Variants in RAI1 observed in about 807,000 individuals in gnomAD.
RAI1 encodes the protein retinoic acid-induced protein 1.
RAI1 carries 9 observed loss-of-function variants against 123.8 expected under a neutral mutation model. That is an observed-to-expected ratio of 0.07 (90% confidence interval 0.04 to 0.13). The LOEUF is 0.13. Among genes scored for constraint, RAI1 ranks in the 10% least tolerant of loss-of-function variants. The pLI is 1.00. For missense variants in RAI1, 2,256 were observed against 2,545.8 expected (o/e 0.89, Z 2.45); for synonymous variants, 1,231 against 1,127.3 (o/e 1.09, Z -1.84).
chr17:17,778,721 C>G (rs749349132), intron 2 of RAI1: 4 of 456,750 alleles, frequency 8.8e-6, no homozygotes, highest in Non-Finnish European at 1.3e-5. Flanking sequence ...GGAGCAGAGG[C>G]CTGCGATTCT....
chr17:17,710,436 A>C (rs1215607432), intron 1 of RAI1, among the ~76,000 whole-genome samples: 1 of 152,168 alleles, frequency 6.6e-6, no homozygotes, highest in Non-Finnish European at 1.5e-5. Flanking sequence ...CCTTTTTAGC[A>C]GTGCTCCATC....
chr17:17,746,563 G>C (rs1385154963), intron 2 of RAI1, among the ~76,000 whole-genome samples: 1 of 152,096 alleles, frequency 6.6e-6, no homozygotes, highest in African/African-American at 2.4e-5. Context: ...CCAAGGATGG[G>C]GGCTGCTGGG....
chr17:17,709,446 A>C (rs1450263749), intron 1 of RAI1, among the ~76,000 whole-genome samples: 3 of 152,120 alleles, frequency 2.0e-5, no homozygotes, highest in Non-Finnish European at 4.4e-5. Flanking sequence ...CCAGGCTCCC[A>C]AGGCCCCTGC....
At chr17:17,787,967 T>G (rs1192071694) in intron 2 of RAI1, among the ~76,000 whole-genome samples, 1 of 152,118 alleles carries the variant, frequency 6.6e-6, no homozygotes, top group Non-Finnish European at 1.5e-5. Flanking sequence ...CTCTGCACTC[T>G]GAAGGGCCCA....
chr17:17,766,086 G>A (rs999334640), intron 2 of RAI1: 1 of 152,196 alleles, frequency 6.6e-6, no homozygotes, highest in African/African-American at 2.4e-5. Flanking sequence ...GCCTTCTTGT[G>A]AACTCACATT....
In RAI1 at chr17:17,803,735, C is replaced by A. The variant is rs199633787; in HGVS notation, c.5566-21C>A. ...TGGGCTCCAACTGGAGACTCACCTG[C>A]CTTTCCTTTCTCTTCATCAGATGTG... is the stretch of plus-strand genomic sequence containing the variant. On this transcript the variant is annotated intron_variant, in intron 3 of 5. Coordinates refer to ENST00000353383, the MANE Select transcript of RAI1 (RefSeq NM_030665.4). The A allele has an allele frequency of 9.4e-5, 151 of 1,607,708 alleles. No individual in the cohort carries two copies. In the African/African-American group the frequency reaches 1.9e-3, roughly 20 times the overall value.
Position 17,809,520 on chromosome 17 carries a change from TG to T in RAI1, c.5709+84del. 1 of 1,438,454 alleles carries T rather than the reference TG, an allele frequency of 7.0e-7. No homozygotes were observed. The highest frequency in any genetic ancestry group is 9.7e-7 in the Non-Finnish European group (1 of 1,025,698). 89.1% of individuals were successfully genotyped at this position (1,438,454 alleles called of 1,614,324 possible). On this transcript the variant is annotated intron_variant, in intron 5 of 5. Transcript: ENST00000353383. The surrounding 1 kb of genome is among the most constrained non-coding windows in gnomAD (Gnocchi z 4.9). ...ACCTCGCACCTCCTTCACAGTCCCC[TG>T]GGCCCCCTTGGCTGCGCAGCCCCGC... is the stretch of plus-strand genomic sequence containing the variant.
Position 17,810,164 on chromosome 17 carries a change from G to A in RAI1, c.*183G>A. On this transcript the variant is annotated 3_prime_UTR_variant, in exon 6 of 6. Coordinates refer to ENST00000353383, the MANE Select transcript of RAI1 (RefSeq NM_030665.4). The surrounding 1 kb of genome is among the most constrained non-coding windows in gnomAD (Gnocchi z 4.6). The stretch of plus-strand genomic sequence containing the variant: ...CCTAGGGCTCAGACTTGCGGCCCCG[G>A]GTTGGGAGGAAAACCCGTTCCGGAG... 2 of 891,452 alleles carry A rather than the reference G, an allele frequency of 2.2e-6. No individual in the cohort carries two copies. Among genetic ancestry groups the A allele is most frequent in the Non-Finnish European group, 1.6e-6 (1 of 612,788 alleles). 55.2% of individuals were successfully genotyped at this position (891,452 alleles called of 1,614,324 possible). A position where few individuals can be genotyped will look rare whatever the true frequency, so the allele number is the denominator to read the frequency against.
At chr17:17,693,331 G>T (rs1243301804) in intron 1 of RAI1, among the ~76,000 whole-genome samples, 1 of 152,262 alleles carries the variant, frequency 6.6e-6, no homozygotes, top group Admixed American at 6.5e-5. Context: ...CTGGCAGCCA[G>T]TGGGTTGCTG....
At chr17:17,700,970 C>T (rs1026339870) in intron 1 of RAI1, among the ~76,000 whole-genome samples, 7 of 152,222 alleles carry the variant, frequency 4.6e-5, no homozygotes, top group African/African-American at 1.4e-4. Context: ...AATGTGACCT[C>T]GCAGAGACCC....
chr17:17,745,613 G>A (rs1035206883), intron 2 of RAI1, among the ~76,000 whole-genome samples: 4 of 152,228 alleles, frequency 2.6e-5, no homozygotes, highest in African/African-American at 9.6e-5. Context: ...GGCCAGGCTG[G>A]TCTCAAACTC....
intron 2 of RAI1, among the ~76,000 whole-genome samples, chr17:17,771,286 C>G (rs2031147432): frequency 6.6e-6 from 1 of 152,230 alleles, no homozygotes; most frequent in Non-Finnish European, 1.5e-5. Flanking sequence ...ATCCATCCAT[C>G]AAATTCGTTC....
Position 17,685,411 on chromosome 17 carries a change from G to A in RAI1, c.-149+3618G>A, listed in dbSNP as rs1353514173. Among the ~76,000 whole-genome samples the A allele has an allele frequency of 6.6e-6, 1 of 152,272 alleles. No individual in the cohort carries two copies. The highest frequency in any genetic ancestry group is 1.5e-5 in the Non-Finnish European group (1 of 68,052). ...AGCCAAGGCCTCGACCAGAGCTGGAGGCTTCCTGGAGGAGGGGCCTTTGAG... is the reference window on the plus strand; with the variant it reads ...AGCCAAGGCCTCGACCAGAGCTGGAAGCTTCCTGGAGGAGGGGCCTTTGAG... On this transcript the variant is annotated intron_variant, in intron 1 of 5. Transcript: ENST00000353383. This position sits in a 1 kb window ranked among gnomAD's most constrained non-coding sequence, Gnocchi z 4.0.
At chr17:17,786,389 C>T (rs548524719) in intron 2 of RAI1, among the ~76,000 whole-genome samples, 117 of 152,264 alleles carry the variant, frequency 7.7e-4, no homozygotes, top group African/African-American at 2.7e-3. Flanking sequence ...TAGCTGTGAA[C>T]AAAACAGGCA....
In RAI1 at chr17:17,794,149, A is replaced by G. The variant is rs2032139041; in HGVS notation, c.1201A>G (p.Thr401Ala). ...CATGCCCCTGCTCAATCCCTCCCCA[A>G]CGGATGCCACCAGCTCTGTGGACAC... ...HFMPLLNPSP[T>A]DATSSVDTQA... is the part of the protein sequence containing the mutation. Residue 401 changes from threonine to alanine, a missense_variant, in exon 3 of 6, where the codon ACG (threonine) becomes GCG (alanine). Around this residue, in one of 7 missense-constraint regions of RAI1, gnomAD observed 357 missense variants for 480.2 expected, o/e 0.74. Coordinates refer to ENST00000353383, the MANE Select transcript of RAI1 (RefSeq NM_030665.4). The G allele has an allele frequency of 1.9e-6, 3 of 1,613,732 alleles. No individual in the cohort carries two copies. The highest frequency in any genetic ancestry group is 1.3e-5 in the African/African-American group (1 of 74,996).
intron 1 of RAI1, among the ~76,000 whole-genome samples, chr17:17,700,496 C>T (rs1416026787): frequency 1.3e-5 from 2 of 152,102 alleles, no homozygotes; most frequent in East Asian, 3.9e-4. Flanking sequence ...TAATGAGCCC[C>T]ATTAAAGCTT....
chr17:17,753,892 A>T lies in RAI1; in HGVS notation c.-17+29733A>T, dbSNP rs558352413. The stretch of plus-strand genomic sequence containing the variant: ...AACTGTGGATCCTTTGGGATTTGGA[A>T]AAAAGTTCTAGACCCTCTTCAGAAA... On this transcript the variant is annotated intron_variant, in intron 2 of 5. Coordinates refer to ENST00000353383, the MANE Select transcript of RAI1 (RefSeq NM_030665.4). 1.2e-4 allele frequency among the ~76,000 whole-genome samples: 19 copies of T among 152,322 alleles called. No homozygotes were observed. The South Asian group carries it at 3.9e-3, about 32-fold the overall frequency.
chr17:17,807,954 C>T (rs2032627250), intron 4 of RAI1, among the ~76,000 whole-genome samples: 1 of 152,206 alleles, frequency 6.6e-6, no homozygotes, highest in Non-Finnish European at 1.5e-5. Context: ...AGGCCTGCTA[C>T]CACCCAGCCC....
Position 17,798,422 on chromosome 17 carries a change from A to T in RAI1, c.5474A>T (p.His1825Leu). ...PGGEAQEHWV[H>L]EACAVWTGGV... ...GGGGAGGCCCAGGAGCACTGGGTGC[A>T]TGAGGCCTGTGCCGTGTGGACCGGC... The change falls in exon 3 of 6, where the codon CAT (histidine) becomes CTT (leucine). Residue 1825 changes from histidine (H) to leucine (L), a missense_variant. His to Leu is a moderately conservative substitution (Grantham distance 99, BLOSUM62 -3). Transcript: ENST00000353383. 1 of 1,610,762 alleles carries T rather than the reference A, an allele frequency of 6.2e-7. No homozygotes were observed.
Sources: allele counts gnomAD v4.1 joint callset (sites outside exome capture counted in the v4.1 genomes callset), GRCh38; gene constraint gnomAD v4.1.1; regional missense constraint gnomAD v4.1.1; non-coding constraint Gnocchi (gnomAD v3.1); transcripts MANE v1.5; gene names NCBI Gene and HGNC (gene_info 2026-07-23, HGNC 2026-07-21).